PYGL: variants seen among roughly 807,000 people sequenced by gnomAD.
PYGL encodes glycogen phosphorylase L, also known as glycogen phosphorylase, liver form.
PYGL carries 90 observed loss-of-function variants against 100.1 expected under a neutral mutation model. The ratio of observed to expected loss-of-function variants is 0.90; its 90% CI spans 0.76 to 1.07. PYGL has a LOEUF of 1.07. PYGL is among the 50% of genes least tolerant of loss of function. PYGL has a pLI of 0.00. For synonymous variants in PYGL, 373 were observed against 393.0 expected, an observed-to-expected ratio of 0.95 and a Z score of 0.60; for missense variants, 1,016 against 1,057.6, an observed-to-expected ratio of 0.96 and a Z score of 0.55.
intron 16 of PYGL, 109 bp from the exon 17 acceptor site, chr14:50,910,211 C>T: frequency 8.7e-7 from 1 of 1,146,690 alleles, no homozygotes; most frequent in Admixed American, 1.9e-5. Context: ...GTAATACATG[C>T]ACATTAAGAT....
Position 50,917,116 on chromosome 14 carries a change from G to C in PYGL, c.856-11C>G. On this transcript the variant is annotated splice_polypyrimidine_tract_variant and intron_variant, in intron 7 of 19. Coordinates refer to ENST00000216392, the MANE Select transcript of PYGL (RefSeq NM_002863.5). ...CTTCCCTTCAAAAAACTTCAAGCCAGAGAGATAGAATAAAAATGGTTCATA... is the reference window on the plus strand; with the variant it reads ...CTTCCCTTCAAAAAACTTCAAGCCACAGAGATAGAATAAAAATGGTTCATA... The C allele has an allele frequency of 6.2e-7, 1 of 1,612,964 alleles. No individual in the cohort carries two copies. Among genetic ancestry groups the C allele is most frequent in the Non-Finnish European group, 8.5e-7 (1 of 1,179,042 alleles).
intron 5 of PYGL, chr14:50,923,540 G>A (rs552134372): frequency 1.8e-4 from 32 of 174,420 alleles, no homozygotes; most frequent in East Asian, 9.8e-4. Context: ...TGCCCGCTTC[G>A]GCTTCCCAAA....
At chr14:50,909,361 G>A (rs554404701) in intron 17 of PYGL, among the ~76,000 whole-genome samples, 1 of 152,244 alleles carries the variant, frequency 6.6e-6, no homozygotes, top group East Asian at 1.9e-4. Context: ...CAAGGGTCAG[G>A]AAGTATATTC....
intron 18 of PYGL, 114 bp from the exon 19 acceptor site, chr14:50,908,451 C>T (rs1596030538): frequency 1.0e-6 from 1 of 983,896 alleles, no homozygotes; most frequent in Non-Finnish European, 1.6e-6. Flanking sequence ...GGCTGGTTTA[C>T]CAAATTCATA....
In PYGL at chr14:50,905,251, C is replaced by T; in HGVS notation, c.*141G>A. On this transcript the variant is annotated 3_prime_UTR_variant, in exon 20 of 20. Coordinates refer to ENST00000216392, the MANE Select transcript of PYGL (RefSeq NM_002863.5). ...GAAATTGACACTTTATTTTTAAGCTCTATTACATATAATTTCCCTCCCCAT... is the reference window on the plus strand; with the variant it reads ...GAAATTGACACTTTATTTTTAAGCTTTATTACATATAATTTCCCTCCCCAT... 2 of 865,286 alleles carry T rather than the reference C, an allele frequency of 2.3e-6. No homozygotes were observed. The highest frequency in any genetic ancestry group is 1.8e-6 in the Non-Finnish European group (1 of 551,668). 53.6% of individuals were successfully genotyped at this position (865,286 alleles called of 1,614,324 possible).
chr14:50,935,300 C>G, intron 2 of PYGL, 115 bp from the exon 3 acceptor site: 1 of 825,250 alleles, frequency 1.2e-6, no homozygotes, highest in Middle Eastern at 2.2e-4. Context: ...TGTACCTAAT[C>G]TAGCGTCAGC....
intron 5 of PYGL, among the ~76,000 whole-genome samples, chr14:50,922,743 G>C (rs1596041804): frequency 6.6e-6 from 1 of 152,294 alleles, no homozygotes; most frequent in Middle Eastern, 3.4e-3. Context: ...TGGCACTGTG[G>C]TCTGAGGCTC....
Position 50,905,289 on chromosome 14 carries a change from T to C in PYGL, c.*103A>G. On this transcript the variant is annotated 3_prime_UTR_variant, in exon 20 of 20. Coordinates refer to ENST00000216392, the MANE Select transcript of PYGL (RefSeq NM_002863.5). The stretch of plus-strand genomic sequence containing the variant: ...TTTCCCTCCCCATTCCCAGAGATAC[T>C]CAACTATTATAGATTATTAGCTAAC... The C allele has an allele frequency of 1.7e-6, 2 of 1,210,430 alleles. No individual in the cohort carries two copies. The highest frequency in any genetic ancestry group is 2.4e-6 in the Non-Finnish European group (2 of 828,996). The allele number at this position is 1,210,430 out of a possible 1,614,324, so 75.0% of individuals were successfully genotyped here.
chr14:50,915,220 A>C (rs1169843462), intron 11 of PYGL, 116 bp downstream of exon 11: 17 of 1,277,034 alleles, frequency 1.3e-5, no homozygotes, highest in African/African-American at 4.5e-5. Context: ...AGAAGAAAAT[A>C]CTTTTAAACA....
At chr14:50,908,361 G>T in intron 18 of PYGL, 24 bp from the exon 19 acceptor site, 1 of 1,535,708 alleles carries the variant, frequency 6.5e-7, no homozygotes, top group Non-Finnish European at 9.0e-7. Flanking sequence ...AGTGGAAGAG[G>T]AAAAAAACAG....
chr14:50,908,663 G>A (rs2050357997), intron 18 of PYGL, among the ~76,000 whole-genome samples, 158 bp downstream of exon 18: 1 of 152,194 alleles, frequency 6.6e-6, no homozygotes, highest in South Asian at 2.1e-4. Flanking sequence ...TAAACTACCT[G>A]AGCAGATCAC....
intron 12 of PYGL, 88 bp from the exon 13 acceptor site, chr14:50,913,218 C>T (rs2050415891): frequency 9.7e-7 from 1 of 1,036,140 alleles, no homozygotes; most frequent in Non-Finnish European, 1.5e-6. Flanking sequence ...CTCTCTGTCA[C>T]CTACCACAGT....
At chr14:50,935,758 A>G (rs1157643628) in intron 2 of PYGL, among the ~76,000 whole-genome samples, 1 of 152,246 alleles carries the variant, frequency 6.6e-6, no homozygotes, top group Non-Finnish European at 1.5e-5. Flanking sequence ...TCATCTTTTC[A>G]TGACCACAGC....
intron 4 of PYGL, 139 bp from the exon 5 acceptor site, chr14:50,924,239 A>G: frequency 1.1e-6 from 1 of 951,006 alleles, no homozygotes; most frequent in South Asian, 1.5e-5. Context: ...TAACTTTTTT[A>G]CAGCCTACAT....
chr14:50,916,148 G>T (rs1253043982), intron 9 of PYGL, among the ~76,000 whole-genome samples, 177 bp from the exon 10 acceptor site: 1 of 152,238 alleles, frequency 6.6e-6, no homozygotes, highest in Non-Finnish European at 1.5e-5. Flanking sequence ...TGTTCTGGGT[G>T]TGAGGGGGAA....
chr14:50,920,097 G>GC (rs1427469575), intron 7 of PYGL, among the ~76,000 whole-genome samples: 1 of 152,092 alleles, frequency 6.6e-6, no homozygotes, highest in African/African-American at 2.4e-5. Flanking sequence ...TCATGGGTCT[G>GC]CCCCAGGGTC....
At chr14:50,940,933 G>A (rs543098142) in intron 1 of PYGL, among the ~76,000 whole-genome samples, 1 of 152,324 alleles carries the variant, frequency 6.6e-6, no homozygotes, top group South Asian at 2.1e-4. Context: ...GCATAGAAAT[G>A]TGGTAGGAAG....
intron 4 of PYGL, among the ~76,000 whole-genome samples, chr14:50,927,426 T>C (rs1187684933): frequency 6.6e-6 from 1 of 152,162 alleles, no homozygotes; most frequent in Non-Finnish European, 1.5e-5. Flanking sequence ...GGTTTCACCA[T>C]GTTGACCAGG....
Position 50,905,319 on chromosome 14 carries a change from C to T in PYGL, c.*73G>A. The T allele has an allele frequency of 4.7e-6, 7 of 1,482,916 alleles. No individual in the cohort carries two copies. The highest frequency in any genetic ancestry group is 6.6e-6 in the Non-Finnish European group (7 of 1,064,464). 91.9% of individuals were successfully genotyped at this position (1,482,916 alleles called of 1,614,324 possible). A position where few individuals can be genotyped will look rare whatever the true frequency, so the allele number is the denominator to read the frequency against. On this transcript the variant is annotated 3_prime_UTR_variant, in exon 20 of 20. Coordinates refer to ENST00000216392, the MANE Select transcript of PYGL (RefSeq NM_002863.5). ...TATTATAGATTATTAGCTAACAAAA[C>T]AAAAACCAGTGAATGTTGTAAAAAT...
Sources: allele counts gnomAD v4.1 joint callset (sites outside exome capture counted in the v4.1 genomes callset), GRCh38; gene constraint gnomAD v4.1.1; transcripts MANE v1.5; gene names NCBI Gene and HGNC (gene_info 2026-07-23, HGNC 2026-07-21).